Variants in PRSS53 observed in about 807,000 individuals in gnomAD.
PRSS53 encodes the protein serine protease 53, also known as EDTP308.
In PRSS53, 54 loss-of-function variants were observed where a neutral mutation model predicts 62.7. The ratio of observed to expected loss-of-function variants is 0.86; its 90% CI spans 0.69 to 1.08. The LOEUF is 1.08. PRSS53 is among the 50% of genes least tolerant of loss of function. PRSS53 has a pLI of 0.00. For synonymous variants in PRSS53, 273 were observed against 300.0 expected, an observed-to-expected ratio of 0.91 and a Z score of 0.93; for missense variants, 688 against 728.3, an observed-to-expected ratio of 0.94 and a Z score of 0.64.
chr16:31,088,044 G>C, intron 1 of PRSS53: 2 of 1,448,966 alleles, frequency 1.4e-6, no homozygotes, highest in Non-Finnish European at 1.8e-6. Context: ...TCCTTCAGCT[G>C]TGCTCAGCAC....
intron 3 of PRSS53, 73 bp downstream of exon 3, chr16:31,087,463 AG>A: frequency 8.8e-7 from 1 of 1,134,462 alleles, no homozygotes; most frequent in Non-Finnish European, 1.3e-6. Context: ...GGCAGGGACT[AG>A]CCTTGTGGGG....
rs1259095961 is a variant in PRSS53, at chr16:31,085,096, G to A, written c.1034+14C>T. ...AGGGGCAGGGGGCACAGCAGAGAGG[G>A]ATCCAAGACTCACCCAATGAAGCAG... is the stretch of plus-strand genomic sequence containing the variant. On this transcript the variant is annotated intron_variant, in intron 7 of 10. Transcript: ENST00000280606. 3.1e-6 allele frequency: 5 copies of A among 1,612,960 alleles called. No individual in the cohort carries two copies. In the African/African-American group the frequency reaches 4.0e-5, roughly 13 times the overall value.
chr16:31,087,436 TTTA>T (rs1476954759), intron 3 of PRSS53, 98 bp downstream of exon 3: 36 of 833,150 alleles, frequency 4.3e-5, no homozygotes, highest in Non-Finnish European at 6.8e-5. Context: ...TAAATGGTTC[TTTA>T]TTATTACTCT....
rs1373493225 is a variant in PRSS53, at chr16:31,084,717, G to A, written c.1280-14C>T. The A allele has an allele frequency of 1.2e-6, 2 of 1,606,478 alleles. No individual in the cohort carries two copies. Among genetic ancestry groups the A allele is most frequent in the East Asian group, 2.2e-5 (1 of 44,638 alleles). On this transcript the variant is annotated splice_polypyrimidine_tract_variant and intron_variant, in intron 8 of 10. Coordinates refer to ENST00000280606, the Ensembl canonical transcript of PRSS53. ...GGGAGCTGATGCCTGTGGAGCAAGG[G>A]AAAGCTGGCTGCCCCGGCCTGCAGG...
At chr16:31,088,635 A>T (rs551642803) in intron 1 of PRSS53, 117 bp downstream of exon 1, 1 of 1,557,832 alleles carries the variant, frequency 6.4e-7, no homozygotes, top group Non-Finnish European at 8.7e-7. Flanking sequence ...TTACATCCCC[A>T]CTGGTGGACT....
intron 1 of PRSS53, chr16:31,088,231 C>T (rs1013923161): frequency 5.4e-5 from 61 of 1,138,706 alleles, no homozygotes; most frequent in Non-Finnish European, 6.3e-5. Context: ...TGCATCATTT[C>T]CAAGTGGGGA....
exon 11 of PRSS53, chr16:31,083,786 C>T: frequency 6.2e-7 from 1 of 1,614,104 alleles, no homozygotes; most frequent in South Asian, 1.1e-5. Flanking sequence ...GGCCAGGTCC[C>T]CTGTCAGCAG....
intron 3 of PRSS53, 73 bp from the exon 4 acceptor site, chr16:31,086,971 G>T: frequency 2.7e-6 from 4 of 1,455,570 alleles, no homozygotes; most frequent in Non-Finnish European, 2.8e-6. Context: ...GACCCCACAG[G>T]TAGGTGGAAG....
At chr16:31,085,011 C>T in exon 8 of PRSS53, 1 of 1,592,982 alleles carries the variant, frequency 6.3e-7, no homozygotes, top group Non-Finnish European at 8.5e-7. Context: ...CTCCATTCCT[C>T]TGGGGCCTGG....
exon 6 of PRSS53, chr16:31,086,086 G>T: frequency 6.2e-7 from 1 of 1,613,808 alleles, no homozygotes. Flanking sequence ...CAGCACAGGA[G>T]CGTCCTCCTG....
chr16:31,088,857 A>T, exon 1 of PRSS53: 1 of 1,610,160 alleles, frequency 6.2e-7, no homozygotes, highest in Non-Finnish European at 8.5e-7. Flanking sequence ...GAGAGAGGCC[A>T]CCTGGGTCTC....
intron 6 of PRSS53, among the ~76,000 whole-genome samples, chr16:31,085,696 C>T (rs1284504111): frequency 6.6e-6 from 1 of 152,196 alleles, no homozygotes; most frequent in Non-Finnish European, 1.5e-5. Context: ...CTACCCTGTG[C>T]AGGCTCGCTG....
chr16:31,084,625 C>G (rs750483862), exon 9 of PRSS53: 1 of 1,607,530 alleles, frequency 6.2e-7, no homozygotes, highest in Admixed American at 1.7e-5. Context: ...GCTGCCATCA[C>G]CCCCAGGAGC....
In PRSS53 at chr16:31,085,267, C is replaced by G; in HGVS notation, c.884-7G>C. ...GTCCTCAAGGATCCACAGGCTGAAACAGATAAGTGCCTCATCTGACTTCTT... is the reference window on the plus strand; with the variant it reads ...GTCCTCAAGGATCCACAGGCTGAAAGAGATAAGTGCCTCATCTGACTTCTT... On this transcript the variant is annotated splice_region_variant and splice_polypyrimidine_tract_variant and intron_variant, in intron 6 of 10. Coordinates refer to ENST00000280606, the Ensembl canonical transcript of PRSS53. The G allele has an allele frequency of 6.5e-7, 1 of 1,548,006 alleles. No homozygotes were observed.
chr16:31,086,432 T>TA lies in PRSS53; in HGVS notation c.567dup (p.Ile190TyrfsTer45), dbSNP rs1567417094. The TA allele has an allele frequency of 1.9e-6, 3 of 1,614,072 alleles. No homozygotes were observed. In the South Asian group the frequency reaches 3.3e-5, roughly 18 times the overall value. ...TGTCGCTGGTGCAGCTGGTTGTAGA[T>TA]ACAGTTACATGTGGGGCGACTGATG... On this transcript the variant is annotated frameshift_variant, in exon 5 of 11. Coordinates refer to ENST00000280606, the Ensembl canonical transcript of PRSS53. LOFTEE classifies it high-confidence loss of function.
rs773090290 is a variant in PRSS53 at position 31,088,780 on chromosome 16, G to A, written c.30C>T (p.Leu10=). Residue 10 remains leucine (L), a synonymous_variant, in exon 1 of 11, where the codon CTC becomes CTT. Transcript: ENST00000280606. ...CCATGAGGACTGTGGCACCCGCGAT[G>A]AGCAGCACTGGGCCCCAGCACCACT... is the stretch of plus-strand genomic sequence containing the variant. 1.9e-6 allele frequency: 3 copies of A among 1,613,660 alleles called. No individual in the cohort carries two copies. The Admixed American group carries it at 5.0e-5, about 27-fold the overall frequency.
intron 6 of PRSS53, among the ~76,000 whole-genome samples, chr16:31,085,562 T>C (rs1156443256): frequency 1.3e-5 from 2 of 152,166 alleles, no homozygotes. Flanking sequence ...AGGATGGGCC[T>C]GCCTCCCGTA....
chr16:31,084,126 G>T, exon 10 of PRSS53: 1 of 1,576,750 alleles, frequency 6.3e-7, no homozygotes, highest in Non-Finnish European at 8.6e-7. Flanking sequence ...TACTTATGTT[G>T]GCCAGGCAGC....
At chr16:31,085,022 C>A (rs377232515) in exon 8 of PRSS53, 31 of 1,597,798 alleles carry the variant, frequency 1.9e-5, no homozygotes, top group Non-Finnish European at 2.6e-5. Context: ...TGGGGCCTGG[C>A]GCCTGTGCAG....
Sources: allele counts gnomAD v4.1 joint callset (sites outside exome capture counted in the v4.1 genomes callset), GRCh38; gene constraint gnomAD v4.1.1; transcripts MANE v1.5; gene names NCBI Gene and HGNC (gene_info 2026-07-23, HGNC 2026-07-21).